The following USP34 variants were observed in gnomAD, a reference collection of about 807,000 sequenced individuals.
USP34 encodes the protein ubiquitin carboxyl-terminal hydrolase 34.
In USP34, 70 loss-of-function variants were observed where a neutral mutation model predicts 460.3. That is an observed-to-expected ratio of 0.15 (90% CI 0.13 to 0.19). The LOEUF is 0.19. Among genes scored for constraint, USP34 ranks in the 10% least tolerant of loss-of-function variants. The pLI is 1.00. For synonymous variants in USP34, 1,647 were observed against 1,405.3 expected (o/e 1.17, Z -3.85); for missense variants, 3,985 against 4,236.2 (o/e 0.94, Z 1.65).
chr2:61,427,970 C>T (rs969026112), intron 1 of USP34, among the ~76,000 whole-genome samples: 7 of 151,984 alleles, frequency 4.6e-5, no homozygotes, highest in Non-Finnish European at 1.0e-4. Flanking sequence ...TGAGACCAGC[C>T]TGGCCAACAT....
In USP34 at chr2:61,470,674, C is replaced by G. The variant is rs1695930396; in HGVS notation, c.19G>C (p.Asp7His). ...CTTTCATTTAACACCTCCACCAGGT[C>G]TGCGCAGTTCTCGCACATCGTTCGG... MCENCA[D>H]LVEVLNEISD... Residue 7 changes from aspartate (D) to histidine (H), a missense_variant, in exon 1 of 80, where the codon GAC (aspartate) becomes CAC (histidine). Transcript: ENST00000398571. 6 of 1,595,298 alleles carry G rather than the reference C, an allele frequency of 3.8e-6. No homozygotes were observed. The highest frequency in any genetic ancestry group is 2.8e-5 in the African/African-American group (2 of 72,428).
chr2:61,354,026 C>T (rs1692033179), intron 10 of USP34, among the ~76,000 whole-genome samples: 2 of 152,118 alleles, frequency 1.3e-5, no homozygotes, highest in African/African-American at 4.8e-5. Context: ...TGTGGGATAC[C>T]ATGAAGCAGA....
chr2:61,364,591 T>C (rs1692372985), intron 10 of USP34, among the ~76,000 whole-genome samples: 1 of 152,066 alleles, frequency 6.6e-6, no homozygotes, highest in Non-Finnish European at 1.5e-5. Context: ...TACGACACTA[T>C]AAAATAAAAG....
intron 1 of USP34, among the ~76,000 whole-genome samples, chr2:61,432,628 C>G (rs1282103311): frequency 6.6e-6 from 1 of 151,986 alleles, no homozygotes; most frequent in African/African-American, 2.4e-5. Flanking sequence ...TTTTTAAATG[C>G]TAAATGGTTA....
At chr2:61,324,801 TA>T (rs1239427988) in intron 21 of USP34, among the ~76,000 whole-genome samples, 2 of 151,490 alleles carry the variant, frequency 1.3e-5, no homozygotes, top group Admixed American at 6.6e-5. Flanking sequence ...CTTATAGAAC[TA>T]AAAAAAAATT....
intron 75 of USP34, among the ~76,000 whole-genome samples, chr2:61,194,492 T>A (rs1276785123): frequency 1.3e-5 from 2 of 151,716 alleles, no homozygotes; most frequent in African/African-American, 4.8e-5. Context: ...ACTTGTGAGC[T>A]AAGAATGGCT....
intron 1 of USP34, among the ~76,000 whole-genome samples, chr2:61,439,986 C>T (rs1209540360): frequency 1.3e-5 from 2 of 152,094 alleles, no homozygotes; most frequent in African/African-American, 4.8e-5. Context: ...AGTGCAGGGA[C>T]CACAGGAGGG....
intron 44 of USP34, among the ~76,000 whole-genome samples, chr2:61,259,209 A>G (rs754102377): frequency 6.6e-6 from 1 of 152,110 alleles, no homozygotes; most frequent in Non-Finnish European, 1.5e-5. Flanking sequence ...CAGTGAATTG[A>G]GATCACACCA....
Position 61,188,286 on chromosome 2 carries a change from C to T in USP34, c.10457G>A (p.Cys3486Tyr). Residue 3486 changes from cysteine (C) to tyrosine (Y), a missense_variant, in exon 80 of 80, where the codon TGT (cysteine) becomes TAT (tyrosine). Around this residue, in one of 14 missense-constraint regions of USP34, gnomAD observed 506 missense variants for 439.0 expected, o/e 1.15. Coordinates refer to ENST00000398571, the MANE Select transcript of USP34 (RefSeq NM_014709.4). ...VLSDLADLRS[C>Y]DGQALPSQDP... ...CTGGGAGGGCAAAGCTTGGCCATCA[C>T]AGCTTCTCAAGTCAGCTAAGTCAGA... 6.2e-7 allele frequency: 1 copy of T among 1,613,906 alleles called. No individual in the cohort carries two copies. The highest frequency in any genetic ancestry group is 8.5e-7 in the Non-Finnish European group (1 of 1,180,020).
chr2:61,307,109 T>C (rs1417411271), intron 27 of USP34, among the ~76,000 whole-genome samples: 2 of 151,920 alleles, frequency 1.3e-5, no homozygotes, highest in Non-Finnish European at 2.9e-5. Context: ...ATGTGGCACA[T>C]ATACACCATG....
At chr2:61,284,147 G>C (rs114349899) in intron 35 of USP34, among the ~76,000 whole-genome samples, 1 of 152,258 alleles carries the variant, frequency 6.6e-6, no homozygotes, top group African/African-American at 2.4e-5. Flanking sequence ...AAATTTGAAT[G>C]AATAAAACAT....
chr2:61,373,925 C>T (rs1016716002), intron 8 of USP34, among the ~76,000 whole-genome samples: 5 of 152,104 alleles, frequency 3.3e-5, no homozygotes, highest in South Asian at 2.1e-4. Context: ...GAGGCCAAGA[C>T]GGGTGGACTG....
intron 53 of USP34, 139 bp downstream of exon 53, chr2:61,241,421 A>T (rs555501282): frequency 1.7e-6 from 1 of 578,054 alleles, no homozygotes; most frequent in East Asian, 3.2e-5. Context: ...CAGTATTACC[A>T]AGACTATTTG....
At chr2:61,363,941 CAATAACAACTTTGTACCTATAA>C (rs1692350841) in intron 10 of USP34, among the ~76,000 whole-genome samples, 1 of 152,164 alleles carries the variant, frequency 6.6e-6, no homozygotes, top group Non-Finnish European at 1.5e-5. Context: ...TCATCATCAC[CAATAACAACTTTGTACCTATAA>C]AATAACAACT....
intron 5 of USP34, among the ~76,000 whole-genome samples, chr2:61,386,195 A>G (rs999160915): frequency 6.6e-6 from 1 of 152,200 alleles, no homozygotes; most frequent in East Asian, 1.9e-4. Flanking sequence ...GTGATGAGGC[A>G]TGAGTCACCT....
chr2:61,370,257 A>C, intron 10 of USP34, 64 bp downstream of exon 10: 1 of 1,512,136 alleles, frequency 6.6e-7, no homozygotes. Context: ...AATTTACCTC[A>C]CAGAGAAGCA....
At chr2:61,221,174 A>C (rs1687571852) in intron 66 of USP34, among the ~76,000 whole-genome samples, 1 of 152,226 alleles carries the variant, frequency 6.6e-6, no homozygotes, top group Non-Finnish European at 1.5e-5. Context: ...TAACTCTGGA[A>C]GCAAAAAGGT....
chr2:61,382,577 G>T (rs1363470831), intron 6 of USP34, among the ~76,000 whole-genome samples: 1 of 152,112 alleles, frequency 6.6e-6, no homozygotes, highest in Non-Finnish European at 1.5e-5. Flanking sequence ...CCCAAAAGTT[G>T]AGTAGTGCTG....
intron 33 of USP34, among the ~76,000 whole-genome samples, chr2:61,291,928 G>A (rs1014983362): frequency 1.3e-5 from 2 of 152,064 alleles, no homozygotes; most frequent in Non-Finnish European, 2.9e-5. Context: ...GATGAATCTC[G>A]AAAATAGGCT....
Sources: allele counts gnomAD v4.1 joint callset (sites outside exome capture counted in the v4.1 genomes callset), GRCh38; gene constraint gnomAD v4.1.1; regional missense constraint gnomAD v4.1.1; transcripts MANE v1.5; gene names NCBI Gene and HGNC (gene_info 2026-07-23, HGNC 2026-07-21).